Variants in PEBP4 observed in about 807,000 individuals in gnomAD.
The protein encoded by PEBP4 is phosphatidylethanolamine binding protein 4.
Under a neutral mutation model 23.9 loss-of-function variants are expected in PEBP4, and 22 were observed. The ratio of observed to expected loss-of-function variants is 0.92; its 90% CI spans 0.66 to 1.31. PEBP4 has a LOEUF of 1.31. PEBP4 is among the 40% of genes most tolerant of loss of function. The pLI, the probability that PEBP4 is intolerant of heterozygous loss-of-function variation, is 0.00. For synonymous variants in PEBP4, 112 were observed against 99.3 expected (o/e 1.13, Z -0.76); for missense variants, 324 against 281.7 (o/e 1.15, Z -1.07).
intron 3 of PEBP4, among the ~76,000 whole-genome samples, chr8:22,861,295 C>T (rs1807774021): frequency 6.6e-6 from 1 of 152,198 alleles, no homozygotes; most frequent in African/African-American, 2.4e-5. Flanking sequence ...ATAATAATAG[C>T]TCAGACGTTT....
At chr8:22,765,633 C>T (rs1805597185) in intron 4 of PEBP4, among the ~76,000 whole-genome samples, 1 of 152,240 alleles carries the variant, frequency 6.6e-6, no homozygotes, top group Non-Finnish European at 1.5e-5. Context: ...CTGATAAAAC[C>T]CTGTCCACAA....
At chr8:22,835,365 C>T (rs1203266414) in intron 3 of PEBP4, among the ~76,000 whole-genome samples, 1 of 152,240 alleles carries the variant, frequency 6.6e-6, no homozygotes, top group Non-Finnish European at 1.5e-5. Flanking sequence ...GTGACCTTGA[C>T]AGCCGGAAGA....
chr8:22,830,369 T>C (rs1467493071), intron 3 of PEBP4, among the ~76,000 whole-genome samples: 30 of 152,114 alleles, frequency 2.0e-4, no homozygotes, highest in Non-Finnish European at 7.4e-5. Flanking sequence ...GGTCTCAATC[T>C]CCTGACCTTG....
chr8:22,904,580 A>G (rs7815317), intron 3 of PEBP4, among the ~76,000 whole-genome samples: 1,807 of 152,304 alleles, frequency 0.012, 37 homozygotes, highest in African/African-American at 0.042. Context: ...GAAATTACAG[A>G]CAAGTGTAAA....
chr8:22,749,592 T>C (rs1453627302), intron 4 of PEBP4, among the ~76,000 whole-genome samples: 2 of 152,136 alleles, frequency 1.3e-5, no homozygotes, highest in South Asian at 2.1e-4. Context: ...TTCCTTTCCT[T>C]CCCTTCCTGT....
intron 3 of PEBP4, among the ~76,000 whole-genome samples, chr8:22,910,427 G>A (rs1459475182): frequency 1.3e-5 from 2 of 152,252 alleles, no homozygotes; most frequent in Admixed American, 6.5e-5. Context: ...CTGCCCTCAA[G>A]AAGTTTATGT....
rs567694521 is a variant in PEBP4, at chr8:22,818,515, T to G, written c.259-780A>C. The stretch of plus-strand genomic sequence containing the variant: ...GGACAAGCAAGGGGGAGGGTGGACA[T>G]GGCAGGTGCAGGGGAGGGAGCAGAG... On this transcript the variant is annotated intron_variant, in intron 3 of 6. Transcript: ENST00000256404. Among the ~76,000 whole-genome samples the G allele has an allele frequency of 6.6e-5, 10 of 151,988 alleles. No homozygotes were observed. The South Asian group carries it at 2.1e-3, about 32-fold the overall frequency.
intron 3 of PEBP4, among the ~76,000 whole-genome samples, chr8:22,825,544 C>T (rs547067981): frequency 6.6e-6 from 1 of 152,342 alleles, no homozygotes; most frequent in East Asian, 1.9e-4. Context: ...ATGCTTATTA[C>T]ACCATGGACT....
At chr8:22,846,824 A>G (rs962224300) in intron 3 of PEBP4, among the ~76,000 whole-genome samples, 1 of 152,060 alleles carries the variant, frequency 6.6e-6, no homozygotes, top group African/African-American at 2.4e-5. Context: ...CCAAATAGAG[A>G]TTGCCTGTGT....
intron 3 of PEBP4, among the ~76,000 whole-genome samples, chr8:22,906,041 C>T (rs1808805098): frequency 6.6e-6 from 1 of 152,166 alleles, no homozygotes; most frequent in Non-Finnish European, 1.5e-5. Flanking sequence ...GCTGACATTG[C>T]ATATCCCCAA....
At position 22,920,313 on chromosome 8, in the gene PEBP4, A is replaced by G. The variant is rs769951388; in HGVS notation, c.132-3T>C. On this transcript the variant is annotated splice_region_variant and splice_polypyrimidine_tract_variant and intron_variant, in intron 2 of 6. Coordinates refer to ENST00000256404, the MANE Select transcript of PEBP4 (RefSeq NM_144962.3). Reference sequence around the variant, plus strand: ...CTGGGTAGAAAACTTCAAGGCCCCTATGAAGAGAGAGGGGAGGTTGCCCTG... The same window carrying G: ...CTGGGTAGAAAACTTCAAGGCCCCTGTGAAGAGAGAGGGGAGGTTGCCCTG... 2.4e-5 allele frequency: 38 copies of G among 1,609,076 alleles called. No individual in the cohort carries two copies. The African/African-American group carries it at 3.2e-4, about 14-fold the overall frequency.
At chr8:22,842,522 T>A (rs962772403) in intron 3 of PEBP4, among the ~76,000 whole-genome samples, 8 of 152,150 alleles carry the variant, frequency 5.3e-5, no homozygotes, top group Non-Finnish European at 1.2e-4. Context: ...CCTACAAATA[T>A]ATGAGCCATG....
At chr8:22,772,700 G>A (rs1481236690) in intron 4 of PEBP4, among the ~76,000 whole-genome samples, 1 of 152,148 alleles carries the variant, frequency 6.6e-6, no homozygotes, top group African/African-American at 2.4e-5. Context: ...GCAGGCCACA[G>A]AGCTATGAAC....
At chr8:22,723,753 T>A (rs1254188774) in intron 6 of PEBP4, among the ~76,000 whole-genome samples, 2 of 152,188 alleles carry the variant, frequency 1.3e-5, no homozygotes, top group Admixed American at 1.3e-4. Flanking sequence ...GGTTCACTGG[T>A]GGTAAGTTTG....
At position 22,731,955 on chromosome 8, in the gene PEBP4, G is replaced by T. The variant is rs183088968; in HGVS notation, c.358-4735C>A. On this transcript the variant is annotated intron_variant, in intron 4 of 6. Coordinates refer to ENST00000256404, the MANE Select transcript of PEBP4 (RefSeq NM_144962.3). ...TTCCCAAAGTGCTGGGATTACAGGC[G>T]TGAGCCACCGCACCCAGCCCCATAC... Among the ~76,000 whole-genome samples, 1,259 of 152,086 alleles carry T rather than the reference G, an allele frequency of 8.3e-3. 16 individuals are homozygous for T. Among genetic ancestry groups the T allele is most frequent in the African/African-American group, 0.029 (1,197 of 41,450 alleles).
chr8:22,742,522 A>T (rs962475081), intron 4 of PEBP4, among the ~76,000 whole-genome samples: 1 of 152,102 alleles, frequency 6.6e-6, no homozygotes, highest in East Asian at 1.9e-4. Flanking sequence ...GGTGTTTCCT[A>T]TAGTGATGTG....
At chr8:22,769,612 C>T (rs1805678633) in intron 4 of PEBP4, among the ~76,000 whole-genome samples, 1 of 152,156 alleles carries the variant, frequency 6.6e-6, no homozygotes, top group South Asian at 2.1e-4. Context: ...CAGGCCCCGC[C>T]TCCCCACCCG....
chr8:22,832,334 C>T (rs891780807), intron 3 of PEBP4, among the ~76,000 whole-genome samples: 3 of 152,176 alleles, frequency 2.0e-5, no homozygotes, highest in South Asian at 2.1e-4. Context: ...CACTAGAGAA[C>T]TCACTTCCTC....
At chr8:22,869,084 C>G (rs532760371) in intron 3 of PEBP4, among the ~76,000 whole-genome samples, 3 of 152,222 alleles carry the variant, frequency 2.0e-5, no homozygotes, top group Non-Finnish European at 2.9e-5. Context: ...ACACCAGGCA[C>G]TCCCCTGCCT....
Sources: gnomAD v4.1 joint callset for allele counts (sites outside exome capture counted in the v4.1 genomes callset) on GRCh38, gnomAD v4.1.1 for gene constraint, MANE v1.5 for transcripts, NCBI Gene and HGNC (gene_info 2026-07-23, HGNC 2026-07-21) for gene names.